The following VAT1L variants were observed in gnomAD, a reference collection of about 807,000 sequenced individuals.
VAT1L encodes the protein putative NADPH-dependent quinone oxidoreductase VAT1L.
VAT1L carries 34 observed loss-of-function variants against 44.1 expected under a neutral mutation model. That is an observed-to-expected ratio of 0.77 (90% CI 0.59 to 1.03). The LOEUF (loss-of-function observed/expected upper bound fraction) is 1.03. VAT1L is among the 50% of genes least tolerant of loss of function. VAT1L has a pLI of 0.00. For missense variants in VAT1L, 615 were observed against 538.8 expected (o/e 1.14, Z -1.40); for synonymous variants, 253 against 202.2 (o/e 1.25, Z -2.13).
At chr16:77,890,922 GAAAA>G (rs57157062) in intron 7 of VAT1L, among the ~76,000 whole-genome samples, 2 of 129,124 alleles carry the variant, frequency 1.5e-5, no homozygotes, top group Non-Finnish European at 1.7e-5. Context: ...AGACCCTGTC[GAAAA>G]AAAAAAAAAA....
At chr16:77,844,261 G>C (rs117310350) in intron 3 of VAT1L, among the ~76,000 whole-genome samples, 2 of 152,024 alleles carry the variant, frequency 1.3e-5, no homozygotes, top group Non-Finnish European at 2.9e-5. Flanking sequence ...CTTTTTCCTT[G>C]TGATTATTCC....
rs369980249 is a variant in VAT1L at position 77,968,265 on chromosome 16, G to C, written c.1078-3585G>C. ...TCCAGACCCCAAGACAGGGCTCTTG[G>C]GTCTCACACAAGAGAGAATTCAGGG... On this transcript the variant is annotated intron_variant, in intron 7 of 8. Transcript: ENST00000302536. 8.3e-4 allele frequency among the ~76,000 whole-genome samples: 126 copies of C among 152,072 alleles called. 1 individual carries two copies. The highest frequency in any genetic ancestry group is 2.9e-3 in the African/African-American group (121 of 41,482).
At chr16:77,828,540 G>A (rs1428345315) in intron 3 of VAT1L, among the ~76,000 whole-genome samples, 2 of 152,184 alleles carry the variant, frequency 1.3e-5, no homozygotes, top group Admixed American at 6.5e-5. Flanking sequence ...GCGCATGCCT[G>A]TAATCCCAGC....
At chr16:77,960,489 A>G (rs1208821581) in intron 7 of VAT1L, among the ~76,000 whole-genome samples, 1 of 152,192 alleles carries the variant, frequency 6.6e-6, no homozygotes, top group Non-Finnish European at 1.5e-5. Flanking sequence ...CAGATTGCAC[A>G]GAGAAAGCTA....
intron 7 of VAT1L, among the ~76,000 whole-genome samples, chr16:77,923,040 G>A (rs1256395330): frequency 6.6e-6 from 1 of 152,212 alleles, no homozygotes; most frequent in African/African-American, 2.4e-5. Context: ...CCTTGCCACA[G>A]TGGTGGGCTT....
At chr16:77,880,210 G>A (rs750517895) in intron 6 of VAT1L, among the ~76,000 whole-genome samples, 8 of 152,094 alleles carry the variant, frequency 5.3e-5, no homozygotes, top group Non-Finnish European at 1.0e-4. Flanking sequence ...AGGTTGGAGT[G>A]CCGTGGCATG....
At chr16:77,836,137 G>C (rs550798787) in intron 3 of VAT1L, among the ~76,000 whole-genome samples, 2 of 152,210 alleles carry the variant, frequency 1.3e-5, no homozygotes, top group East Asian at 3.9e-4. Flanking sequence ...GAGACTAAGA[G>C]TTTCAGTGTT....
chr16:77,953,541 G>C lies in VAT1L; in HGVS notation c.1078-18309G>C, dbSNP rs950133786. On this transcript the variant is annotated intron_variant, in intron 7 of 8. Coordinates refer to ENST00000302536, the MANE Select transcript of VAT1L (RefSeq NM_020927.3). ...ACCTATTTACATTTCTTTTTGTTTG[G>C]TTTTATTTTGTTTTTTTGATAAAGG... 3.3e-5 allele frequency among the ~76,000 whole-genome samples: 5 copies of C among 152,064 alleles called. No individual in the cohort carries two copies. In the South Asian group the frequency reaches 8.3e-4, roughly 25 times the overall value.
At chr16:77,946,809 A>G (rs1446791769) in intron 7 of VAT1L, among the ~76,000 whole-genome samples, 1 of 152,038 alleles carries the variant, frequency 6.6e-6, no homozygotes, top group African/African-American at 2.4e-5. Flanking sequence ...GGACCTGACT[A>G]CTGTTCATAG....
chr16:77,942,847 C>T (rs544277651), intron 7 of VAT1L, among the ~76,000 whole-genome samples: 59 of 152,020 alleles, frequency 3.9e-4, no homozygotes, highest in Admixed American at 2.3e-3. Flanking sequence ...CGGGTTCAAG[C>T]GATTATCTCA....
rs1210853641 is a variant in VAT1L at position 77,977,856 on chromosome 16, G to C, written c.*161G>C. ...AAGCTGTTGATCACTGTTGTTTTTT[G>C]AAGTGCCAATCCCATGCCATGCAGT... is the stretch of plus-strand genomic sequence containing the variant. On this transcript the variant is annotated 3_prime_UTR_variant, in exon 9 of 9. Transcript: ENST00000302536. 1 of 669,056 alleles carries C rather than the reference G, an allele frequency of 1.5e-6. No individual in the cohort carries two copies. The highest frequency in any genetic ancestry group is 1.8e-5 in the African/African-American group (1 of 55,048). The allele number at this position is 669,056 out of a possible 1,614,324, so 41.4% of individuals were successfully genotyped here. A position where few individuals can be genotyped will look rare whatever the true frequency, so the allele number is the denominator to read the frequency against.
chr16:77,975,820 C>T (rs1023079361), intron 8 of VAT1L, among the ~76,000 whole-genome samples: 13 of 152,220 alleles, frequency 8.5e-5, no homozygotes, highest in Non-Finnish European at 1.6e-4. Flanking sequence ...CAGCGGGCAG[C>T]CCTGCCCCAG....
At chr16:77,844,705 G>GC (rs2016741669) in intron 3 of VAT1L, among the ~76,000 whole-genome samples, 1 of 151,990 alleles carries the variant, frequency 6.6e-6, no homozygotes, top group African/African-American at 2.4e-5. Context: ...CACCACATCT[G>GC]CACTACCAGT....
At chr16:77,912,193 G>A (rs751683779) in intron 7 of VAT1L, among the ~76,000 whole-genome samples, 3 of 152,178 alleles carry the variant, frequency 2.0e-5, no homozygotes, top group Non-Finnish European at 4.4e-5. Flanking sequence ...CCCAGCATAA[G>A]TGAGTTCTCT....
Position 77,806,963 on chromosome 16 carries a change from G to A in VAT1L, c.234-9958G>A, listed in dbSNP as rs565766147. On this transcript the variant is annotated intron_variant, in intron 1 of 8. Transcript: ENST00000302536. ...GCAAGAGGCACGCCCATTCCTAAGG[G>A]ATACTTTCTGTGAGAAGCACCTGAT... Among the ~76,000 whole-genome samples, 8 of 152,208 alleles carry A rather than the reference G, an allele frequency of 5.3e-5. No homozygotes were observed. In the East Asian group the frequency reaches 7.8e-4, roughly 15 times the overall value.
intron 7 of VAT1L, among the ~76,000 whole-genome samples, chr16:77,906,265 G>A (rs558433680): frequency 6.6e-6 from 1 of 152,190 alleles, no homozygotes; most frequent in Non-Finnish European, 1.5e-5. Context: ...GATAATTACA[G>A]TGCAATGTGG....
chr16:77,914,915 C>G (rs1329817726), intron 7 of VAT1L, among the ~76,000 whole-genome samples: 1 of 152,138 alleles, frequency 6.6e-6, no homozygotes, highest in African/African-American at 2.4e-5. Flanking sequence ...CACCTGAGGT[C>G]GGGAGTTCGA....
intron 1 of VAT1L, among the ~76,000 whole-genome samples, chr16:77,798,605 G>T (rs756578152): frequency 6.6e-6 from 1 of 152,074 alleles, no homozygotes; most frequent in Non-Finnish European, 1.5e-5. Flanking sequence ...AAAGAAATAG[G>T]ACATTAAAAA....
At chr16:77,883,693 T>A (rs542785320) in intron 6 of VAT1L, among the ~76,000 whole-genome samples, 4 of 152,160 alleles carry the variant, frequency 2.6e-5, no homozygotes, top group Non-Finnish European at 4.4e-5. Flanking sequence ...TACCCCCAGT[T>A]CAGAACCATT....
Sources: allele counts gnomAD v4.1 joint callset (sites outside exome capture counted in the v4.1 genomes callset), GRCh38; gene constraint gnomAD v4.1.1; transcripts MANE v1.5; gene names NCBI Gene and HGNC (gene_info 2026-07-23, HGNC 2026-07-21).